NEGR1: variants seen among roughly 807,000 people sequenced by gnomAD.
NEGR1 encodes the protein IgLON family member 4.
Under a neutral mutation model 40.9 loss-of-function variants are expected in NEGR1, and 10 were observed. That is an observed-to-expected ratio of 0.24 (90% CI 0.15 to 0.42). NEGR1 has a LOEUF of 0.42. Ranked by LOEUF, NEGR1 falls within the 10% of genes least tolerant of loss-of-function variation. The probability of loss-of-function intolerance (pLI) is 1.00; values close to 1 mark genes in which losing one functional copy is unlikely to be tolerated. For missense variants in NEGR1, 352 were observed against 438.9 expected (o/e 0.80, Z 1.77); for synonymous variants, 185 against 166.8 (o/e 1.11, Z -0.84).
At chr1:72,003,735 A>T (rs569313019) in intron 1 of NEGR1, among the ~76,000 whole-genome samples, 2 of 152,176 alleles carry the variant, frequency 1.3e-5, no homozygotes, top group Non-Finnish European at 2.9e-5. Context: ...AAGCACTTTG[A>T]TAGGAATTGC....
At chr1:72,239,457 G>A (rs1654665255) in intron 1 of NEGR1, among the ~76,000 whole-genome samples, 1 of 151,674 alleles carries the variant, frequency 6.6e-6, no homozygotes, top group South Asian at 2.1e-4. Context: ...AGTGTTTTAA[G>A]TATTTCAACA....
intron 1 of NEGR1, among the ~76,000 whole-genome samples, chr1:72,192,113 A>G (rs1246874632): frequency 6.6e-6 from 1 of 151,912 alleles, no homozygotes; most frequent in Non-Finnish European, 1.5e-5. Flanking sequence ...GTTGGTTTAA[A>G]TTAAACCACA....
At chr1:71,714,681 G>C (rs549986789) in intron 3 of NEGR1, among the ~76,000 whole-genome samples, 33 of 152,300 alleles carry the variant, frequency 2.2e-4, no homozygotes, top group Admixed American at 4.6e-4. Context: ...GTTCCAAAAT[G>C]ATCTCCTTTG....
intron 2 of NEGR1, among the ~76,000 whole-genome samples, chr1:71,880,575 T>C (rs940766590): frequency 2.6e-5 from 4 of 152,202 alleles, no homozygotes; most frequent in South Asian, 2.1e-4. Context: ...TCCTTTGAAA[T>C]GAACTCCAAA....
At chr1:71,808,730 A>T (rs373205354) in intron 2 of NEGR1, among the ~76,000 whole-genome samples, 53 of 152,072 alleles carry the variant, frequency 3.5e-4, no homozygotes, top group African/African-American at 1.2e-3. Flanking sequence ...ACATATTCTT[A>T]TTTCAGAAAA....
At chr1:72,249,394 T>C (rs368476500) in intron 1 of NEGR1, among the ~76,000 whole-genome samples, 6 of 152,212 alleles carry the variant, frequency 3.9e-5, no homozygotes, top group African/African-American at 1.4e-4. Context: ...TTCTTATGAT[T>C]TGTCTCATCA....
chr1:72,198,696 A>G (rs1298444275), intron 1 of NEGR1, among the ~76,000 whole-genome samples: 1 of 151,996 alleles, frequency 6.6e-6, no homozygotes, highest in East Asian at 1.9e-4. Flanking sequence ...GAAATTACAC[A>G]TCATTCCAGT....
Position 71,945,602 on chromosome 1 carries a change from G to GT in NEGR1, c.177-10292dup, listed in dbSNP as rs201910722. ...TACTCCCCTTTGAACTGCCACAAAAGTTTCTTTTTTTATACTTCCCCATCT... is the reference window on the plus strand; with the variant it reads ...TACTCCCCTTTGAACTGCCACAAAAGTTTTCTTTTTTTATACTTCCCCATCT... On this transcript the variant is annotated intron_variant, in intron 1 of 6. Coordinates refer to ENST00000357731, the MANE Select transcript of NEGR1 (RefSeq NM_173808.3). Among the ~76,000 whole-genome samples the GT allele has an allele frequency of 2.8e-3, 416 of 148,366 alleles. 2 individuals carry two copies. The highest frequency in any genetic ancestry group is 3.5e-3 in the Middle Eastern group (1 of 286).
chr1:72,118,844 C>T (rs553786477), intron 1 of NEGR1, among the ~76,000 whole-genome samples: 37 of 151,382 alleles, frequency 2.4e-4, no homozygotes, highest in East Asian at 1.2e-3. Flanking sequence ...TGTTCTATTT[C>T]GGGCACTATT....
chr1:71,784,108 G>C (rs1656820242), intron 2 of NEGR1, among the ~76,000 whole-genome samples: 1 of 152,142 alleles, frequency 6.6e-6, no homozygotes, highest in Non-Finnish European at 1.5e-5. Flanking sequence ...AATTTGAACA[G>C]AATTTGGTGG....
chr1:71,697,930 CAT>C (rs1393254795), intron 4 of NEGR1, 76 bp downstream of exon 4: 2 of 1,406,592 alleles, frequency 1.4e-6, no homozygotes, highest in Non-Finnish European at 1.9e-6. Flanking sequence ...AAAACAGCAA[CAT>C]AAATTTCAGT....
chr1:72,126,332 T>C (rs1274960438), intron 1 of NEGR1, among the ~76,000 whole-genome samples: 1 of 152,144 alleles, frequency 6.6e-6, no homozygotes, highest in Non-Finnish European at 1.5e-5. Flanking sequence ...GTAATAACTT[T>C]CTTAAAAAGT....
intron 3 of NEGR1, among the ~76,000 whole-genome samples, chr1:71,728,081 T>C (rs146974708): frequency 1.3e-5 from 2 of 152,272 alleles, no homozygotes; most frequent in African/African-American, 4.8e-5. Flanking sequence ...TTTAGGCTCA[T>C]GCTTTGCAAC....
chr1:71,903,891 C>T (rs1661208095), intron 2 of NEGR1, among the ~76,000 whole-genome samples: 1 of 151,642 alleles, frequency 6.6e-6, no homozygotes, highest in African/African-American at 2.4e-5. Flanking sequence ...GTTATAAATG[C>T]TATTACTTGA....
At chr1:71,899,003 T>TATATAC (rs1661069613) in intron 2 of NEGR1, among the ~76,000 whole-genome samples, 1 of 111,498 alleles carries the variant, frequency 9.0e-6, no homozygotes. Flanking sequence ...TATATATATA[T>TATATAC]ATATATATAT....
intron 1 of NEGR1, among the ~76,000 whole-genome samples, chr1:72,101,924 TG>T (rs1392701068): frequency 6.6e-6 from 1 of 152,136 alleles, no homozygotes; most frequent in Non-Finnish European, 1.5e-5. Flanking sequence ...AACATTATAT[TG>T]CTGCTTTAAA....
intron 6 of NEGR1, among the ~76,000 whole-genome samples, chr1:71,533,987 G>A (rs1647436997): frequency 6.6e-6 from 1 of 151,576 alleles, no homozygotes; most frequent in South Asian, 2.1e-4. Context: ...TTCTATAATA[G>A]TAAGAAAACC....
chr1:72,033,949 G>A (rs978415081), intron 1 of NEGR1, among the ~76,000 whole-genome samples: 1 of 152,008 alleles, frequency 6.6e-6, no homozygotes, highest in Non-Finnish European at 1.5e-5. Context: ...GCCTGCCATG[G>A]GTTATTGCTT....
intron 6 of NEGR1, chr1:71,422,922 T>C (rs1346812490): frequency 1.3e-5 from 2 of 152,222 alleles, no homozygotes; most frequent in Non-Finnish European, 2.9e-5. Flanking sequence ...TACTAAATTA[T>C]ACAAGTCTGC....
Sources: allele counts gnomAD v4.1 joint callset (sites outside exome capture counted in the v4.1 genomes callset), GRCh38; gene constraint gnomAD v4.1.1; transcripts MANE v1.5; gene names NCBI Gene and HGNC (gene_info 2026-07-23, HGNC 2026-07-21).